Variants in RAD51B observed in about 807,000 individuals in gnomAD.
RAD51B encodes the protein DNA repair protein RAD51 homolog 2.
RAD51B carries 38 observed loss-of-function variants against 42.2 expected under a neutral mutation model. The observed-to-expected ratio is 0.90, with a 90% CI of 0.70 to 1.18. The LOEUF (loss-of-function observed/expected upper bound fraction) is 1.18. RAD51B is among the 50% of genes most tolerant of loss of function. The probability of loss-of-function intolerance (pLI) is 0.00; values close to 1 mark genes in which losing one functional copy is unlikely to be tolerated. For missense variants in RAD51B, 373 were observed against 400.7 expected, an observed-to-expected ratio of 0.93 and a Z score of 0.59; for synonymous variants, 154 against 145.2, an observed-to-expected ratio of 1.06 and a Z score of -0.43.
chr14:68,163,302 G>A (rs2140830973), intron 7 of RAD51B, among the ~76,000 whole-genome samples: 1 of 152,324 alleles, frequency 6.6e-6, no homozygotes, highest in South Asian at 2.1e-4. Context: ...AAATTCTCAT[G>A]ACTGTATGCA....
At chr14:68,315,994 C>T (rs149188316) in intron 8 of RAD51B, among the ~76,000 whole-genome samples, 33 of 152,272 alleles carry the variant, frequency 2.2e-4, no homozygotes, top group Non-Finnish European at 3.2e-4. Flanking sequence ...TAGACTTATA[C>T]GGCATTTTCT....
intron 8 of RAD51B, among the ~76,000 whole-genome samples, chr14:68,344,946 C>CAAAAAAAA (rs34579667): frequency 3.5e-5 from 4 of 113,280 alleles, no homozygotes; most frequent in Admixed American, 1.0e-4. Context: ...GACTCAATCT[C>CAAAAAAAA]AAAAAAAAAA....
intron 8 of RAD51B, among the ~76,000 whole-genome samples, chr14:68,328,739 C>T (rs2139791690): frequency 6.6e-6 from 1 of 152,266 alleles, no homozygotes; most frequent in East Asian, 1.9e-4. Flanking sequence ...TGTGAGAATC[C>T]AACCATAAGA....
intron 7 of RAD51B, chr14:67,887,457 A>C: frequency 3.3e-6 from 1 of 306,528 alleles, no homozygotes; most frequent in Non-Finnish European, 6.0e-6. Flanking sequence ...AAGTTCCTAT[A>C]GTCCCTCCTT....
chr14:68,408,479 G>A (rs2084336753), intron 8 of RAD51B, among the ~76,000 whole-genome samples: 1 of 152,192 alleles, frequency 6.6e-6, no homozygotes, highest in African/African-American at 2.4e-5. Context: ...CGACAAAGGC[G>A]TAGAAACCAT....
At chr14:67,915,952 A>G (rs930609777) in intron 7 of RAD51B, among the ~76,000 whole-genome samples, 14 of 152,224 alleles carry the variant, frequency 9.2e-5, no homozygotes, top group African/African-American at 3.4e-4. Context: ...AAAATACACA[A>G]TAGCACATGT....
chr14:68,115,233 G>A (rs1443263553), intron 7 of RAD51B, among the ~76,000 whole-genome samples: 23 of 135,958 alleles, frequency 1.7e-4, no homozygotes, highest in African/African-American at 3.9e-4. Flanking sequence ...TGATGAGTTC[G>A]TGTCCTTTGT....
intron 7 of RAD51B, among the ~76,000 whole-genome samples, chr14:67,958,327 G>A (rs76718342): frequency 1.3e-5 from 2 of 152,208 alleles, no homozygotes; most frequent in African/African-American, 4.8e-5. Context: ...TTAATCCAGT[G>A]GAACTCAGAA....
chr14:68,156,462 T>TCTCTCTCTCTCTCTCG (rs1444388380), intron 7 of RAD51B, among the ~76,000 whole-genome samples: 11 of 139,816 alleles, frequency 7.9e-5, no homozygotes, highest in African/African-American at 2.8e-4. Context: ...AATTTCTCTC[T>TCTCTCTCTCTCTCTCG]CTCTCTCTCT....
At chr14:68,593,131 C>T (rs754888885) in intron 10 of RAD51B, among the ~76,000 whole-genome samples, 3 of 152,210 alleles carry the variant, frequency 2.0e-5, no homozygotes, top group Non-Finnish European at 4.4e-5. Context: ...GATTTATTCC[C>T]GCCTGCAGCA....
chr14:68,170,156 A>G (rs2078841086), intron 7 of RAD51B, among the ~76,000 whole-genome samples: 1 of 152,144 alleles, frequency 6.6e-6, no homozygotes, highest in South Asian at 2.1e-4. Flanking sequence ...GTAGGAGGGA[A>G]CCTACTCTAC....
At chr14:68,068,941 C>A (rs1349429529) in intron 7 of RAD51B, among the ~76,000 whole-genome samples, 5 of 152,100 alleles carry the variant, frequency 3.3e-5, no homozygotes, top group African/African-American at 1.2e-4. Context: ...TATTGCAAGT[C>A]TTTGGTTAAT....
At chr14:68,416,988 AT>A (rs1472431388) in intron 9 of RAD51B, among the ~76,000 whole-genome samples, 1 of 152,050 alleles carries the variant, frequency 6.6e-6, no homozygotes, top group African/African-American at 2.4e-5. Context: ...AAGTTGATAA[AT>A]TTTTTTTCCC....
At chr14:68,199,348 A>C (rs561099287) in intron 7 of RAD51B, among the ~76,000 whole-genome samples, 1 of 152,284 alleles carries the variant, frequency 6.6e-6, no homozygotes, top group Non-Finnish European at 1.5e-5. Flanking sequence ...TGTAATGTTC[A>C]CTGTCAGCTA....
chr14:68,127,604 A>AACACACACACACACACACAC (rs1158570155), intron 7 of RAD51B, among the ~76,000 whole-genome samples: 2 of 133,534 alleles, frequency 1.5e-5, no homozygotes, highest in African/African-American at 2.8e-5. Context: ...TGTACATTGT[A>AACACACACACACACACACAC]ACACACACAC....
At chr14:68,212,819 T>C (rs1187165001) in intron 7 of RAD51B, among the ~76,000 whole-genome samples, 3 of 152,210 alleles carry the variant, frequency 2.0e-5, no homozygotes, top group African/African-American at 7.2e-5. Context: ...AAACAAAACA[T>C]TCCTATTTCT....
chr14:68,158,366 A>G (rs188367059), intron 7 of RAD51B, among the ~76,000 whole-genome samples: 79 of 152,338 alleles, frequency 5.2e-4, no homozygotes, highest in Admixed American at 1.7e-3. Context: ...GCATCTGCCA[A>G]GTAAATGGTT....
At chr14:68,495,332 C>T (rs1319235245) in intron 10 of RAD51B, among the ~76,000 whole-genome samples, 1 of 152,110 alleles carries the variant, frequency 6.6e-6, no homozygotes, top group Non-Finnish European at 1.5e-5. Flanking sequence ...CTTCCACTGG[C>T]GCAACCGAGA....
Position 67,885,843 on chromosome 14 carries a change from G to A in RAD51B, c.453-26G>A, listed in dbSNP as rs35080917. ...GCTTTAAGTAGAATTGACTGTTTTC[G>A]TTTGTGCTATTTTTTTCACCCACAG... On this transcript the variant is annotated intron_variant, in intron 5 of 10. Transcript: ENST00000471583. 3.0e-3 allele frequency: 4,671 copies of A among 1,570,858 alleles called. 133 individuals carry two copies. In the African/African-American group the frequency reaches 0.055, roughly 18 times the overall value.
Sources: allele counts gnomAD v4.1 joint callset (sites outside exome capture counted in the v4.1 genomes callset), GRCh38; gene constraint gnomAD v4.1.1; transcripts MANE v1.5; gene names NCBI Gene and HGNC (gene_info 2026-07-23, HGNC 2026-07-21).